DDO: variants seen among roughly 807,000 people sequenced by gnomAD.
The protein encoded by DDO is D-aspartate oxidase, DDO.
DDO carries 16 observed loss-of-function variants against 16.8 expected under a neutral mutation model. That is an observed-to-expected ratio of 0.95 (90% CI 0.65 to 1.45). DDO has a LOEUF of 1.45. Ranked by LOEUF, DDO falls within the 40% of genes most tolerant of loss-of-function variation. DDO has a pLI of 0.00. For missense variants in DDO, 429 were observed against 420.3 expected, an observed-to-expected ratio of 1.02 and a Z score of -0.18; for synonymous variants, 180 against 167.2, an observed-to-expected ratio of 1.08 and a Z score of -0.59.
At chr6:110,394,334 T>C (rs1478701113) in intron 4 of DDO, among the ~76,000 whole-genome samples, 1 of 152,186 alleles carries the variant, frequency 6.6e-6, no homozygotes, top group East Asian at 1.9e-4. Context: ...CTGCAACTCA[T>C]GAGCTCAGTC....
rs557815009 is a variant in DDO, at chr6:110,413,177, A to T, written c.172+114T>A. Reference sequence around the variant, plus strand: ...GAAAAAGAGGAAAGGAAAAAGAAAAAAACCTGCATATTACACTTACACCTA... The same window carrying T: ...GAAAAAGAGGAAAGGAAAAAGAAAATAACCTGCATATTACACTTACACCTA... On this transcript the variant is annotated intron_variant, in intron 2 of 4. Transcript: ENST00000368924. 35 of 1,227,610 alleles carry T rather than the reference A, an allele frequency of 2.9e-5. No homozygotes were observed. In the South Asian group the frequency reaches 5.4e-4, roughly 19 times the overall value. 76.0% of individuals were successfully genotyped at this position (1,227,610 alleles called of 1,614,324 possible). A position where few individuals can be genotyped will look rare whatever the true frequency, so the allele number is the denominator to read the frequency against.
chr6:110,400,346 G>GGGGT (rs1244107952), intron 4 of DDO, among the ~76,000 whole-genome samples: 10 of 150,144 alleles, frequency 6.7e-5, no homozygotes, highest in Non-Finnish European at 1.5e-4. Context: ...AGCGGGCCGG[G>GGGGT]GCGGGGACTG....
At chr6:110,393,799 G>T (rs1003884478) in intron 4 of DDO, among the ~76,000 whole-genome samples, 1 of 152,062 alleles carries the variant, frequency 6.6e-6, no homozygotes, top group African/African-American at 2.4e-5. Context: ...AAAGGTACAG[G>T]GGTCATATCC....
At chr6:110,401,464 T>A (rs2334071) in intron 4 of DDO, among the ~76,000 whole-genome samples, 79,637 of 145,682 alleles carry the variant, frequency 0.55, 21,852 homozygotes, top group East Asian at 0.86. Flanking sequence ...AAAAGTGCTT[T>A]AAAAAAAAAA....
intron 4 of DDO, among the ~76,000 whole-genome samples, chr6:110,395,475 G>A (rs975235384): frequency 1.1e-4 from 16 of 151,766 alleles, no homozygotes; most frequent in Admixed American, 5.9e-4. Context: ...TCTGGAGAGA[G>A]ATACAGGGTG....
intron 2 of DDO, among the ~76,000 whole-genome samples, chr6:110,410,340 C>A (rs1360255244): frequency 1.3e-5 from 2 of 152,238 alleles, no homozygotes; most frequent in African/African-American, 4.8e-5. Context: ...CTTCTGAACA[C>A]TCACTCAGGC....
chr6:110,411,533 G>A (rs9384741), intron 2 of DDO, among the ~76,000 whole-genome samples: 113,746 of 152,062 alleles, frequency 0.75, 42,817 homozygotes, highest in East Asian at 0.96. Flanking sequence ...ATGAAAATTC[G>A]GAGAACAAAA....
In DDO at chr6:110,392,613, A is replaced by T; in HGVS notation, c.*162T>A. 7.7e-7 allele frequency: 1 copy of T among 1,304,384 alleles called. No homozygotes were observed. The highest frequency in any genetic ancestry group is 9.7e-7 in the Non-Finnish European group (1 of 1,030,296). The allele number at this position is 1,304,384 out of a possible 1,614,324, so 80.8% of individuals were successfully genotyped here. ...TGCCTCAGCCTCTCAAGTAGCTGGGACTATAGGCATGCCACCGTGCTCAGC... is the reference window on the plus strand; with the variant it reads ...TGCCTCAGCCTCTCAAGTAGCTGGGTCTATAGGCATGCCACCGTGCTCAGC... On this transcript the variant is annotated 3_prime_UTR_variant, in exon 5 of 5. Coordinates refer to ENST00000368924, the MANE Select transcript of DDO (RefSeq NM_001372108.2).
At chr6:110,397,188 C>T (rs1773317926) in intron 4 of DDO, among the ~76,000 whole-genome samples, 1 of 152,134 alleles carries the variant, frequency 6.6e-6, no homozygotes, top group Admixed American at 6.5e-5. Flanking sequence ...GTGTCTAACA[C>T]ACTATAGCTG....
Position 110,393,204 on chromosome 6 carries a change from T to C in DDO, c.597A>G (p.Val199=), listed in dbSNP as rs749523321. Residue 199 remains valine, a synonymous_variant, in exon 5 of 5, where the codon GTA becomes GTG. Coordinates refer to ENST00000368924, the MANE Select transcript of DDO (RefSeq NM_001372108.2). ...CCTGAACTTGGAGGACTTGGCCCCT[T>C]ACAGGGAAAATCTTTGAGTCTCCTG... is the stretch of plus-strand genomic sequence containing the variant. ...QLAGDSKIFP[V]RGQVLQVQAP... The C allele has an allele frequency of 1.9e-5, 30 of 1,614,144 alleles. 1 individual carries two copies. The African/African-American group carries it at 3.5e-4, about 19-fold the overall frequency.
intron 2 of DDO, among the ~76,000 whole-genome samples, 187 bp downstream of exon 2, chr6:110,413,104 C>T (rs754840942): frequency 2.0e-5 from 3 of 152,086 alleles, no homozygotes; most frequent in Admixed American, 1.3e-4. Flanking sequence ...GATTGCACCA[C>T]TCCACTTTAG....
At chr6:110,397,251 C>T (rs10872063) in intron 4 of DDO, among the ~76,000 whole-genome samples, 44,732 of 152,108 alleles carry the variant, frequency 0.29, 6,724 homozygotes, top group East Asian at 0.41. Flanking sequence ...TTTCATGCTA[C>T]TGTAAAATAC....
intron 3 of DDO, among the ~76,000 whole-genome samples, chr6:110,405,986 A>G (rs960797661): frequency 1.3e-5 from 2 of 152,190 alleles, no homozygotes; most frequent in East Asian, 3.9e-4. Context: ...TAATTCCCCC[A>G]TCGGAATATG....
At position 110,408,358 on chromosome 6, in the gene DDO, T is replaced by A. The variant is rs1157507141; in HGVS notation, c.257A>T (p.Asp86Val). Residue 86 changes from aspartate to valine, a missense_variant, in exon 3 of 5, where the codon GAT becomes GTT. Physicochemically the swap from Asp to Val is radical, Grantham distance 152. Coordinates refer to ENST00000368924, the MANE Select transcript of DDO (RefSeq NM_001372108.2). ...CCCTGATACCAAATGAACACCAGCA[T>A]CTCCAGCTTCTGCAGAATTGGCAAT... ...FAIANSAEAG[D>V]AGVHLVSGWQ... is the part of the protein sequence containing the mutation. 5 of 1,613,998 alleles carry A rather than the reference T, an allele frequency of 3.1e-6. No individual in the cohort carries two copies. The highest frequency in any genetic ancestry group is 4.2e-6 in the Non-Finnish European group (5 of 1,180,008).
chr6:110,405,290 G>T (rs554909782), intron 3 of DDO, among the ~76,000 whole-genome samples: 2 of 152,224 alleles, frequency 1.3e-5, no homozygotes, highest in South Asian at 4.1e-4. Flanking sequence ...CACCCACCTT[G>T]GCCTCCCAAA....
chr6:110,391,482 C>T (rs1364796106), downstream of DDO, among the ~76,000 whole-genome samples: 4 of 151,764 alleles, frequency 2.6e-5, no homozygotes, highest in East Asian at 7.7e-4. Context: ...ATTACAGGCA[C>T]CCACCATCAT....
chr6:110,396,691 T>G (rs1310619839), intron 4 of DDO, among the ~76,000 whole-genome samples: 1 of 150,806 alleles, frequency 6.6e-6, no homozygotes, highest in Non-Finnish European at 1.5e-5. Context: ...GGAGCTACTG[T>G]TTTGTTTGTT....
chr6:110,404,780 T>C lies in DDO; in HGVS notation c.452A>G (p.Glu151Gly). The change falls in exon 4 of 5, where the codon GAG becomes GGG. Residue 151 changes from glutamate (E) to glycine (G), a missense_variant. Glu to Gly is a moderately conservative substitution (Grantham distance 98, BLOSUM62 -2). Coordinates refer to ENST00000368924, the MANE Select transcript of DDO (RefSeq NM_001372108.2). Reference sequence around the variant, plus strand: ...AGGGAGCATTTCAACTGACCTTTTCTCCAACCACGGGAGGTAGGCAGGGCA... The same window carrying C: ...AGGGAGCATTTCAACTGACCTTTTCCCCAACCACGGGAGGTAGGCAGGGCA... ...CECPAYLPWLEKRIKGSGGWT... is the reference protein window; with the variant it reads ...CECPAYLPWLGKRIKGSGGWT... The C allele has an allele frequency of 6.2e-7, 1 of 1,614,026 alleles. No homozygotes were observed. The highest frequency in any genetic ancestry group is 8.5e-7 in the Non-Finnish European group (1 of 1,179,950).
chr6:110,408,162 C>T (rs1040995704), intron 3 of DDO, among the ~76,000 whole-genome samples, 172 bp downstream of exon 3: 1 of 152,202 alleles, frequency 6.6e-6, no homozygotes, highest in East Asian at 1.9e-4. Context: ...AATACCATAA[C>T]TTGTCTTTCT....
Sources: allele counts gnomAD v4.1 joint callset (sites outside exome capture counted in the v4.1 genomes callset), GRCh38; gene constraint gnomAD v4.1.1; transcripts MANE v1.5; gene names NCBI Gene and HGNC (gene_info 2026-07-23, HGNC 2026-07-21).